SBK1: variants seen among roughly 807,000 people sequenced by gnomAD.
SBK1 encodes the protein SH3 domain binding kinase 1.
A neutral mutation model predicts 24.4 loss-of-function variants in SBK1; 11 were observed. That is an observed-to-expected ratio of 0.45 (90% CI 0.28 to 0.75). The LOEUF (loss-of-function observed/expected upper bound fraction) is 0.75, where lower values mean the gene tolerates loss of function less well. SBK1 is among the 30% of genes least tolerant of loss of function. SBK1 has a pLI of 0.12. For synonymous variants in SBK1, 308 were observed against 284.4 expected (o/e 1.08, Z -0.83); for missense variants, 467 against 620.5 (o/e 0.75, Z 2.63).
chr16:28,277,544 G>A (rs970044037), intron 1 of SBK1, among the ~76,000 whole-genome samples: 3 of 152,188 alleles, frequency 2.0e-5, no homozygotes, highest in Non-Finnish European at 4.4e-5. Flanking sequence ...GCATGGTAGT[G>A]CTCGTCTGTA....
chr16:28,290,798 A>G (rs2044593933), upstream of SBK1: 1 of 152,230 alleles, frequency 6.6e-6, no homozygotes, highest in African/African-American at 2.4e-5. Flanking sequence ...AACTGAAACA[A>G]TATTCTCAAT....
rs1355143438 is a variant in SBK1, at chr16:28,292,614, G to A, written c.-694G>A. On this transcript the variant is annotated 5_prime_UTR_variant, in exon 1 of 4. Transcript: ENST00000341901. ...CGAGCTGGAGCCGCAGCCGGAGCCC[G>A]GGCCAGGCCGGGGGCCGGGAGCGCA... is the stretch of plus-strand genomic sequence containing the variant. 3.1e-6 allele frequency: 3 copies of A among 982,158 alleles called. No homozygotes were observed. In the Admixed American group the frequency reaches 1.9e-4, roughly 61 times the overall value. The allele number at this position is 982,158 out of a possible 1,614,324, so 60.8% of individuals were successfully genotyped here.
At chr16:28,318,539 CAT>C (rs1209214519) in intron 2 of SBK1, among the ~76,000 whole-genome samples, 14 of 152,248 alleles carry the variant, frequency 9.2e-5, no homozygotes, top group Non-Finnish European at 1.5e-4. Flanking sequence ...CGTGGACACA[CAT>C]GTGTGCTCCA....
Position 28,320,765 on chromosome 16 carries a change from G to T in SBK1, c.1119G>T (p.Val373=), listed in dbSNP as rs1205712307. The part of the protein sequence containing the change: ...SRPAPPAVGS[V]PLPVPVPVPV... Reference sequence around the variant, plus strand: ...CCGCGCCCCCCGCCGTCGGGTCGGTGCCCTTGCCCGTGCCGGTGCCGGTGC... The same window carrying T: ...CCGCGCCCCCCGCCGTCGGGTCGGTTCCCTTGCCCGTGCCGGTGCCGGTGC... Residue 373 remains valine (V), a synonymous_variant, in exon 4 of 4, where the codon GTG becomes GTT. Transcript: ENST00000341901. The surrounding 1 kb of genome is among the most constrained non-coding windows in gnomAD (Gnocchi z 8.5). 3.6e-6 allele frequency: 5 copies of T among 1,384,236 alleles called. No homozygotes were observed. The highest frequency in any genetic ancestry group is 4.7e-6 in the Non-Finnish European group (5 of 1,062,746). The allele number at this position is 1,384,236 out of a possible 1,614,324, so 85.7% of individuals were successfully genotyped here. A position where few individuals can be genotyped will look rare whatever the true frequency, so the allele number is the denominator to read the frequency against.
chr16:28,264,805 C>G (rs1219653947), intron 1 of SBK1, among the ~76,000 whole-genome samples: 1 of 151,784 alleles, frequency 6.6e-6, no homozygotes, highest in Non-Finnish European at 1.5e-5. Context: ...CTGAGGACTC[C>G]GCGGTATTGA....
At chr16:28,309,217 G>A (rs989025864) in intron 1 of SBK1, among the ~76,000 whole-genome samples, 6 of 152,258 alleles carry the variant, frequency 3.9e-5, no homozygotes, top group African/African-American at 1.2e-4. Context: ...AGAGAGTGCA[G>A]ATAAACCTTC....
intron 1 of SBK1, among the ~76,000 whole-genome samples, chr16:28,262,651 C>CGAGG (rs2044404726): frequency 6.6e-6 from 1 of 152,190 alleles, no homozygotes; most frequent in East Asian, 1.9e-4. Flanking sequence ...ACTGTGCCCT[C>CGAGG]GGCTTCTGTT....
At chr16:28,285,523 C>A (rs773441249) in intron 1 of SBK1, 2 of 152,236 alleles carry the variant, frequency 1.3e-5, no homozygotes, top group Non-Finnish European at 2.9e-5. Flanking sequence ...CCACTGCACT[C>A]CGGCCTGGGT....
chr16:28,295,258 T>A (rs2044630445), intron 1 of SBK1, among the ~76,000 whole-genome samples: 2 of 152,024 alleles, frequency 1.3e-5, no homozygotes, highest in African/African-American at 4.8e-5. Flanking sequence ...AGTCGCTGAG[T>A]CCAGATAGTC....
chr16:28,283,735 C>T (rs1189275063), intron 1 of SBK1, among the ~76,000 whole-genome samples: 1 of 152,160 alleles, frequency 6.6e-6, no homozygotes, highest in Non-Finnish European at 1.5e-5. Context: ...AGGTAGAGGA[C>T]AGAGGCTGTG....
chr16:28,259,778 T>C lies in SBK1; in HGVS notation c.257+276T>C, dbSNP rs556170902. ...CTCAGAGCCCTCCATGGCTCCCAGC[T>C]CCCGTGGGATAAAGTTAACACTCGG... On this transcript the variant is annotated intron_variant, in intron 1 of 3. Coordinates refer to the SBK1 transcript ENST00000671413. The surrounding 1 kb of genome is among the most constrained non-coding windows in gnomAD (Gnocchi z 6.0). 1.3e-5 allele frequency among the ~76,000 whole-genome samples: 2 copies of C among 152,140 alleles called. No individual in the cohort carries two copies. The highest frequency in any genetic ancestry group is 3.9e-4 in the East Asian group (2 of 5,164).
intron 1 of SBK1, among the ~76,000 whole-genome samples, chr16:28,284,339 G>C (rs1272673456): frequency 6.6e-6 from 1 of 152,224 alleles, no homozygotes; most frequent in Non-Finnish European, 1.5e-5. Context: ...TGCCTGTGGA[G>C]GAGCTGGGAT....
chr16:28,284,087 G>T lies in SBK1; in HGVS notation c.257+24585G>T, dbSNP rs557550790. Among the ~76,000 whole-genome samples, 79 of 152,200 alleles carry T rather than the reference G, an allele frequency of 5.2e-4. No individual in the cohort carries two copies. The South Asian group carries it at 0.016, about 30-fold the overall frequency. On this transcript the variant is annotated intron_variant, in intron 1 of 3. Coordinates refer to the SBK1 transcript ENST00000671413. The stretch of plus-strand genomic sequence containing the variant: ...GGGTTCACCTCCCATTGCCCACGGT[G>T]GTGACTGAGTTGGTAACACGACGCT...
intron 1 of SBK1, among the ~76,000 whole-genome samples, chr16:28,296,808 C>T (rs1016677262): frequency 6.6e-6 from 1 of 152,176 alleles, no homozygotes; most frequent in Non-Finnish European, 1.5e-5. Flanking sequence ...GGACAGCAAA[C>T]CCGAGTCCTT....
chr16:28,269,065 G>C (rs62031376), intron 1 of SBK1, among the ~76,000 whole-genome samples: 7 of 119,666 alleles, frequency 5.8e-5, no homozygotes, highest in Non-Finnish European at 1.1e-4. Flanking sequence ...ATGGAGTCTT[G>C]CTCTGTCACC....
intron 1 of SBK1, among the ~76,000 whole-genome samples, chr16:28,274,606 C>T (rs945447545): frequency 5.9e-5 from 9 of 152,060 alleles, no homozygotes; most frequent in Admixed American, 4.6e-4. Flanking sequence ...GAGCCGAGAT[C>T]GAGCCACTGC....
At chr16:28,262,071 T>C (rs1239924392) in intron 1 of SBK1, among the ~76,000 whole-genome samples, 2 of 152,178 alleles carry the variant, frequency 1.3e-5, no homozygotes, top group Admixed American at 6.6e-5. Context: ...CTAAAAATAC[T>C]GAGTGATGTG....
At chr16:28,312,553 A>G (rs568246920) in intron 1 of SBK1, among the ~76,000 whole-genome samples, 1 of 152,256 alleles carries the variant, frequency 6.6e-6, no homozygotes, top group Admixed American at 6.5e-5. Context: ...TAGAGTAGAG[A>G]GGAAGGGCAT....
intron 1 of SBK1, among the ~76,000 whole-genome samples, chr16:28,313,208 T>C (rs1490322000): frequency 6.6e-6 from 1 of 152,014 alleles, no homozygotes; most frequent in Admixed American, 6.6e-5. Context: ...GGTGGGAGGA[T>C]TGCTTGAACC....
Sources: allele counts gnomAD v4.1 joint callset (sites outside exome capture counted in the v4.1 genomes callset), GRCh38; gene constraint gnomAD v4.1.1; non-coding constraint Gnocchi (gnomAD v3.1); transcripts MANE v1.5; gene names NCBI Gene and HGNC (gene_info 2026-07-23, HGNC 2026-07-21).